Variants in FSTL4 observed in about 807,000 individuals in gnomAD.
FSTL4 encodes the protein follistatin like 4.
FSTL4 carries 28 observed loss-of-function variants against 78.2 expected under a neutral mutation model. The observed-to-expected ratio is 0.36, with a 90% CI of 0.27 to 0.49. The LOEUF (loss-of-function observed/expected upper bound fraction) is 0.49, where lower values mean the gene tolerates loss of function less well. Ranked by LOEUF, FSTL4 falls within the 20% of genes least tolerant of loss-of-function variation. The pLI is 0.98. For missense variants in FSTL4, 922 were observed against 1,084.9 expected (o/e 0.85, Z 2.11); for synonymous variants, 422 against 440.5 (o/e 0.96, Z 0.53).
At chr5:133,209,015 TTC>T (rs1440058002) in intron 14 of FSTL4, among the ~76,000 whole-genome samples, 1 of 152,220 alleles carries the variant, frequency 6.6e-6, no homozygotes, top group African/African-American at 2.4e-5. Flanking sequence ...ATCTTTTTTG[TTC>T]TTTTTCTAGT....
chr5:133,806,879 C>T, the FSTL4 span, among the ~76,000 whole-genome samples: 1 of 152,212 alleles, frequency 6.6e-6, no homozygotes, highest in African/African-American at 2.4e-5. Context: ...CCAGATGATC[C>T]TCCAGGCAAA....
In FSTL4 at chr5:133,455,535, C is replaced by T. The variant is rs546065791; in HGVS notation, c.161-54549G>A. On this transcript the variant is annotated intron_variant, in intron 3 of 15. Coordinates refer to ENST00000265342, the MANE Select transcript of FSTL4 (RefSeq NM_015082.2). ...TACATTTCTTAACATACATTGATTG[C>T]GTTTTCAAATACCTGCTAGAAAGGC... 2.4e-4 allele frequency among the ~76,000 whole-genome samples: 36 copies of T among 152,124 alleles called. 1 individual carries two copies. Among genetic ancestry groups the T allele is most frequent in the Admixed American group, 1.4e-3 (22 of 15,268 alleles).
intron 1 of FSTL4, among the ~76,000 whole-genome samples, chr5:133,604,819 T>C (rs1760942743): frequency 6.6e-6 from 1 of 152,196 alleles, no homozygotes; most frequent in Non-Finnish European, 1.5e-5. Flanking sequence ...TAAGGTCTAA[T>C]ATCTTAGTTT....
the FSTL4 span, among the ~76,000 whole-genome samples, chr5:133,739,982 TC>T: frequency 5.1e-4 from 76 of 150,188 alleles, no homozygotes; most frequent in African/African-American, 1.8e-3. Flanking sequence ...GCCCTCAATC[TC>T]CCAGGCTCAA....
chr5:133,729,901 G>A, the FSTL4 span, among the ~76,000 whole-genome samples: 1 of 152,104 alleles, frequency 6.6e-6, no homozygotes, highest in Non-Finnish European at 1.5e-5. Context: ...GGAAGGGCAG[G>A]CTCAGTGGGA....
At chr5:133,428,726 C>A (rs1213598071) in intron 3 of FSTL4, among the ~76,000 whole-genome samples, 1 of 152,224 alleles carries the variant, frequency 6.6e-6, no homozygotes, top group Non-Finnish European at 1.5e-5. Context: ...ATATTGAGGG[C>A]TCTCTCATCC....
At chr5:133,679,696 G>C in the FSTL4 span, among the ~76,000 whole-genome samples, 2 of 152,160 alleles carry the variant, frequency 1.3e-5, no homozygotes, top group Non-Finnish European at 2.9e-5. Context: ...TGCAGAACAG[G>C]CTGTCTGCTC....
At position 133,197,578 on chromosome 5, in the gene FSTL4, CAG is replaced by C. The variant is rs1165418925; in HGVS notation, c.*1515_*1516del. 4 of 152,322 alleles carry C rather than the reference CAG, an allele frequency of 2.6e-5. No homozygotes were observed. In the East Asian group the frequency reaches 7.7e-4, roughly 29 times the overall value. 9.4% of individuals were successfully genotyped at this position (152,322 alleles called of 1,614,324 possible). A position where few individuals can be genotyped will look rare whatever the true frequency, so the allele number is the denominator to read the frequency against. ...GGAGCTGTGTGTGTTGAGAGTGACA[CAG>C]AGTCTAGGGTTTCCTCTCCTTGAAA... On this transcript the variant is annotated 3_prime_UTR_variant, in exon 16 of 16. Coordinates refer to ENST00000265342, the MANE Select transcript of FSTL4 (RefSeq NM_015082.2).
chr5:133,529,635 C>T (rs139951777), intron 3 of FSTL4, among the ~76,000 whole-genome samples: 4 of 152,236 alleles, frequency 2.6e-5, no homozygotes, highest in Non-Finnish European at 5.9e-5. Context: ...ACACTGCCTC[C>T]CTGGTGCCTG....
At chr5:133,663,522 G>A in the FSTL4 span, among the ~76,000 whole-genome samples, 83 of 152,366 alleles carry the variant, frequency 5.4e-4, 1 homozygote, top group African/African-American at 2.0e-3. Context: ...GAGAATAGAA[G>A]TGCTAACACG....
chr5:133,514,250 G>A (rs1758807949), intron 3 of FSTL4, among the ~76,000 whole-genome samples: 1 of 150,722 alleles, frequency 6.6e-6, no homozygotes, highest in Non-Finnish European at 1.5e-5. Context: ...GAGAACAGGA[G>A]GAATCTCTAG....
chr5:133,811,735 A>G, the FSTL4 span, among the ~76,000 whole-genome samples: 4 of 152,202 alleles, frequency 2.6e-5, no homozygotes, highest in Admixed American at 6.5e-5. Context: ...TCAGGTTTCC[A>G]GAACTCTGCC....
intron 3 of FSTL4, among the ~76,000 whole-genome samples, chr5:133,566,745 A>C (rs1382054155): frequency 6.6e-6 from 1 of 152,236 alleles, no homozygotes; most frequent in Non-Finnish European, 1.5e-5. Context: ...TTTCTATTTC[A>C]GCTTAGCTGA....
chr5:133,514,047 T>C (rs1167198318), intron 3 of FSTL4, among the ~76,000 whole-genome samples: 1 of 151,612 alleles, frequency 6.6e-6, no homozygotes, highest in Non-Finnish European at 1.5e-5. Context: ...GGCGTAGTGG[T>C]GGGCGCCTGT....
At chr5:133,558,296 T>C (rs1328994624) in intron 3 of FSTL4, among the ~76,000 whole-genome samples, 1 of 151,968 alleles carries the variant, frequency 6.6e-6, no homozygotes, top group Admixed American at 6.6e-5. Context: ...CAAACTAGAG[T>C]CCCAGATATT....
At chr5:133,431,595 AT>A (rs1756940055) in intron 3 of FSTL4, among the ~76,000 whole-genome samples, 1 of 152,186 alleles carries the variant, frequency 6.6e-6, no homozygotes, top group Non-Finnish European at 1.5e-5. Flanking sequence ...AAGGCCCTCA[AT>A]TATAGCCCAG....
chr5:133,312,369 T>C, intron 6 of FSTL4: 1 of 392,494 alleles, frequency 2.5e-6, no homozygotes, highest in South Asian at 3.8e-5. Flanking sequence ...CCAAAGGGTG[T>C]TCACAGTGCC....
At chr5:133,643,529 C>G in the FSTL4 span, among the ~76,000 whole-genome samples, 1 of 152,156 alleles carries the variant, frequency 6.6e-6, no homozygotes, top group South Asian at 2.1e-4. Flanking sequence ...CGCCACCACT[C>G]TAGGCCTTAT....
chr5:133,800,026 G>A, the FSTL4 span, among the ~76,000 whole-genome samples: 1 of 139,166 alleles, frequency 7.2e-6, no homozygotes, highest in Admixed American at 7.4e-5. Flanking sequence ...ATCAGCACGC[G>A]GCGTCCCAGC....
Sources: allele counts gnomAD v4.1 joint callset (sites outside exome capture counted in the v4.1 genomes callset), GRCh38; gene constraint gnomAD v4.1.1; transcripts MANE v1.5; gene names NCBI Gene and HGNC (gene_info 2026-07-23, HGNC 2026-07-21).